Variants in EXOSC2 observed in about 807,000 individuals in gnomAD.
The protein encoded by EXOSC2 is exosome component 2, also known as exosome complex component RRP4.
Under a neutral mutation model 37.6 loss-of-function variants are expected in EXOSC2, and 29 were observed. The observed-to-expected ratio is 0.77, with a 90% CI of 0.57 to 1.05. The LOEUF (loss-of-function observed/expected upper bound fraction) is 1.05, where lower values mean the gene tolerates loss of function less well. Among genes scored for constraint, EXOSC2 ranks in the 50% least tolerant of loss-of-function variants. The probability of loss-of-function intolerance (pLI) is 0.00; values close to 1 mark genes in which losing one functional copy is unlikely to be tolerated. For missense variants in EXOSC2, 346 were observed against 365.6 expected, an observed-to-expected ratio of 0.95 and a Z score of 0.44; for synonymous variants, 119 against 131.1, an observed-to-expected ratio of 0.91 and a Z score of 0.63.
In EXOSC2 at chr9:130,694,258, C is replaced by G. The variant is rs1831044029; in HGVS notation, c.122+345C>G. Among the ~76,000 whole-genome samples, 1 of 152,154 alleles carries G rather than the reference C, an allele frequency of 6.6e-6. No individual in the cohort carries two copies. Among genetic ancestry groups the G allele is most frequent in the Admixed American group, 6.5e-5 (1 of 15,268 alleles). On this transcript the variant is annotated intron_variant, in intron 1 of 8. Transcript: ENST00000372358. The surrounding 1 kb of genome is among the most constrained non-coding windows in gnomAD (Gnocchi z 4.0). ...AGGCTCTTTTCCAGTTTTCAGCTCT[C>G]TGAGGGGACGGTGGGCGTTCTTGGC...
chr9:130,702,008 A>G, intron 6 of EXOSC2, 126 bp from the exon 7 acceptor site: 1 of 1,460,074 alleles, frequency 6.8e-7, no homozygotes, highest in Non-Finnish European at 9.0e-7. Context: ...GTATGCATGT[A>G]GGCGACAGCA....
intron 4 of EXOSC2, 49 bp from the exon 5 acceptor site, chr9:130,699,280 C>T (rs762081942): frequency 1.3e-6 from 2 of 1,575,682 alleles, no homozygotes; most frequent in East Asian, 4.5e-5. Context: ...GTGATGGAGA[C>T]CTTTCTGAGG....
Position 130,698,886 on chromosome 9 carries a change from A to C in EXOSC2, c.361-443A>C, listed in dbSNP as rs144266602. ...TACAAAAGGAAATTTCAGTGAGAGA[A>C]GCTTGTAGGAAAGACAGGCATTGGA... On this transcript the variant is annotated intron_variant, in intron 4 of 8. Transcript: ENST00000372358. This position sits in a 1 kb window ranked among gnomAD's most constrained non-coding sequence, Gnocchi z 4.1. 6.6e-6 allele frequency among the ~76,000 whole-genome samples: 1 copy of C among 152,348 alleles called. No homozygotes were observed. The highest frequency in any genetic ancestry group is 1.9e-4 in the East Asian group (1 of 5,186).
At position 130,695,533 on chromosome 9, in the gene EXOSC2, C is replaced by A. The variant is rs996451470; in HGVS notation, c.164C>A (p.Ser55Tyr). 4.3e-6 allele frequency: 7 copies of A among 1,614,100 alleles called. No homozygotes were observed. The highest frequency in any genetic ancestry group is 5.1e-6 in the Non-Finnish European group (6 of 1,180,048). The change falls in exon 2 of 9, where the codon TCT becomes TAT. Residue 55 changes from serine to tyrosine, a missense_variant. Coordinates refer to ENST00000372358, the MANE Select transcript of EXOSC2 (RefSeq NM_014285.7). ...ATGGGAGAAGAGAAGCTCATTGCATCTGTTGCTGGCTCTGTGGAGAGAGTA... is the reference window on the plus strand; with the variant it reads ...ATGGGAGAAGAGAAGCTCATTGCATATGTTGCTGGCTCTGTGGAGAGAGTA... ...TYMGEEKLIA[S>Y]VAGSVERVNK... is the part of the protein sequence containing the mutation.
At chr9:130,699,134 A>C (rs778010025) in intron 4 of EXOSC2, among the ~76,000 whole-genome samples, 195 bp from the exon 5 acceptor site, 1 of 152,142 alleles carries the variant, frequency 6.6e-6, no homozygotes, top group Non-Finnish European at 1.5e-5. Flanking sequence ...GGAGCTGTGG[A>C]AAAGTCTTTT....
In EXOSC2 at chr9:130,703,733, G is replaced by T; in HGVS notation, c.841G>T (p.Val281Leu). Residue 281 changes from valine to leucine, a missense_variant, in exon 9 of 9, where the codon GTG becomes TTG. Coordinates refer to ENST00000372358, the MANE Select transcript of EXOSC2 (RefSeq NM_014285.7). The stretch of plus-strand genomic sequence containing the variant: ...AAAGCCAGAAATAATGGAGGAGATT[G>T]TGATGGAAACACGCCAGAGGCTTTT... ...ILKPEIMEEI[V>L]METRQRLLEQ... The T allele has an allele frequency of 1.2e-6, 2 of 1,613,932 alleles. No homozygotes were observed. The highest frequency in any genetic ancestry group is 1.1e-5 in the South Asian group (1 of 91,014).
intron 8 of EXOSC2, 67 bp downstream of exon 8, chr9:130,703,248 A>G: frequency 3.3e-6 from 5 of 1,532,216 alleles, no homozygotes; most frequent in Non-Finnish European, 3.6e-6. Flanking sequence ...GTTCAGAGAC[A>G]ATATGCACAT....
chr9:130,702,037 A>G (rs1831226845), intron 6 of EXOSC2, 97 bp from the exon 7 acceptor site: 9 of 1,480,032 alleles, frequency 6.1e-6, no homozygotes, highest in Middle Eastern at 2.0e-4. Context: ...CAGGAAGGAC[A>G]CCAATTTGAA....
chr9:130,694,740 CG>C lies in EXOSC2; in HGVS notation c.123-750del. Among the ~76,000 whole-genome samples the C allele has an allele frequency of 6.6e-6, 1 of 151,998 alleles. No individual in the cohort carries two copies. Among genetic ancestry groups the C allele is most frequent in the East Asian group, 1.9e-4 (1 of 5,194 alleles). ...GGAAATTTTTTTTTCTTTTTTGAGA[CG>C]GAGTCTGTCTTAGATCAGTCGTGCG... On this transcript the variant is annotated intron_variant, in intron 1 of 8. Coordinates refer to ENST00000372358, the MANE Select transcript of EXOSC2 (RefSeq NM_014285.7). This position sits in a 1 kb window ranked among gnomAD's most constrained non-coding sequence, Gnocchi z 4.0.
chr9:130,701,088 G>A (rs565290870), intron 6 of EXOSC2, 153 bp downstream of exon 6: 13 of 679,822 alleles, frequency 1.9e-5, no homozygotes, highest in Admixed American at 1.0e-4. Context: ...TTCCTTAAAC[G>A]TAACATCAGG....
chr9:130,697,456 A>G (rs960155799), intron 2 of EXOSC2, 126 bp from the exon 3 acceptor site: 14 of 849,746 alleles, frequency 1.6e-5, no homozygotes, highest in Non-Finnish European at 2.4e-5. Flanking sequence ...ATATAGTTAC[A>G]TGAATTTGCT....
intron 8 of EXOSC2, 89 bp from the exon 9 acceptor site, chr9:130,703,605 T>C: frequency 2.0e-6 from 2 of 1,012,900 alleles, no homozygotes; most frequent in Non-Finnish European, 3.0e-6. Context: ...AGAAAGTTTA[T>C]GTTAACGGCT....
intron 2 of EXOSC2, among the ~76,000 whole-genome samples, chr9:130,696,302 A>C (rs1207044727): frequency 6.6e-6 from 1 of 152,200 alleles, no homozygotes. Context: ...GGGGGAGAGA[A>C]GGGGCAGATG....
Position 130,704,367 on chromosome 9 carries a change from T to C in EXOSC2, c.*593T>C, listed in dbSNP as rs1831281680. 1 of 152,058 alleles carries C rather than the reference T, an allele frequency of 6.6e-6. No homozygotes were observed. Among genetic ancestry groups the C allele is most frequent in the South Asian group, 2.1e-4 (1 of 4,818 alleles). The allele number at this position is 152,058 out of a possible 1,614,324, so 9.4% of individuals were successfully genotyped here. A position where few individuals can be genotyped will look rare whatever the true frequency, so the allele number is the denominator to read the frequency against. On this transcript the variant is annotated 3_prime_UTR_variant, in exon 9 of 9. Coordinates refer to ENST00000372358, the MANE Select transcript of EXOSC2 (RefSeq NM_014285.7). ...CAACAAGGTGAAACCCCATCTCTAC[T>C]AAAAATACAAAAAATTAGCCAGGTG...
rs774429658 is a variant in EXOSC2 at position 130,703,820 on chromosome 9, G to A, written c.*46G>A. ...GGACTGTGGACCTTGCAGGAGTGAA[G>A]ACTGTGATGTGTGGTCCCCATATGT... On this transcript the variant is annotated 3_prime_UTR_variant, in exon 9 of 9. Transcript: ENST00000372358. 1 of 1,477,492 alleles carries A rather than the reference G, an allele frequency of 6.8e-7. No individual in the cohort carries two copies. Among genetic ancestry groups the A allele is most frequent in the Non-Finnish European group, 9.4e-7 (1 of 1,065,026 alleles). 91.5% of individuals were successfully genotyped at this position (1,477,492 alleles called of 1,614,324 possible). A position where few individuals can be genotyped will look rare whatever the true frequency, so the allele number is the denominator to read the frequency against.
intron 5 of EXOSC2, 122 bp downstream of exon 5, chr9:130,699,516 C>T: frequency 1.0e-6 from 1 of 993,938 alleles, no homozygotes; most frequent in Admixed American, 1.8e-5. Flanking sequence ...AGTCTTAGAC[C>T]AAGTGTCGGG....
Position 130,702,312 on chromosome 9 carries a change from T to C in EXOSC2, c.672+2T>C. 1 of 1,612,656 alleles carries C rather than the reference T, an allele frequency of 6.2e-7. No individual in the cohort carries two copies. Among genetic ancestry groups the C allele is most frequent in the Non-Finnish European group, 8.5e-7 (1 of 1,179,164 alleles). ...GGGGGCTTCATTGCAAACCTGGAGG[T>C]GAGCAAACACTGTGGCCATTTTCAG... On this transcript the variant is annotated splice_donor_variant, in intron 7 of 8. Transcript: ENST00000372358. LOFTEE classifies it high-confidence loss of function.
chr9:130,697,837 A>T (rs1178620270), intron 3 of EXOSC2: 3 of 569,478 alleles, frequency 5.3e-6, no homozygotes, highest in East Asian at 6.2e-5. Context: ...TCTGTCGCCC[A>T]GGCTGGAGTG....
rs775631293 is a variant in EXOSC2 at position 130,703,119 on chromosome 9, CAG to C, written c.742_743del (p.Arg248AspfsTer5). The C allele has an allele frequency of 6.2e-6, 10 of 1,613,982 alleles. No homozygotes were observed. The highest frequency in any genetic ancestry group is 8.5e-6 in the Non-Finnish European group (10 of 1,179,936). ...LRNCIISLVT[Q>X]RMMLYDTSIL... ...GAACTGCATCATCTCGCTGGTAACTCAGAGGATGATGCTGTATGATACCAGCA... is the reference window on the plus strand; with the variant it reads ...GAACTGCATCATCTCGCTGGTAACTCAGGATGATGCTGTATGATACCAGCA... On this transcript the variant is annotated frameshift_variant, in exon 8 of 9. Transcript: ENST00000372358. LOFTEE classifies it high-confidence loss of function.
Sources: allele counts gnomAD v4.1 joint callset (sites outside exome capture counted in the v4.1 genomes callset), GRCh38; gene constraint gnomAD v4.1.1; non-coding constraint Gnocchi (gnomAD v3.1); transcripts MANE v1.5; gene names NCBI Gene and HGNC (gene_info 2026-07-23, HGNC 2026-07-21).